The following SLC25A26 variants were observed in gnomAD, a reference collection of about 807,000 sequenced individuals.
SLC25A26 encodes solute carrier family 25 member 26, also known as mitochondrial S-adenosylmethionine carrier protein.
Under a neutral mutation model 37.8 loss-of-function variants are expected in SLC25A26, and 36 were observed. That is an observed-to-expected ratio of 0.95 (90% CI 0.73 to 1.26). The LOEUF is 1.26. SLC25A26 is among the 50% of genes most tolerant of loss of function. The pLI is 0.00. For missense variants in SLC25A26, 390 were observed against 331.1 expected, an observed-to-expected ratio of 1.18 and a Z score of -1.38; for synonymous variants, 129 against 122.5, an observed-to-expected ratio of 1.05 and a Z score of -0.35.
intron 5 of SLC25A26, 104 bp downstream of exon 5, chr3:66,263,483 T>A: frequency 1.3e-6 from 1 of 763,780 alleles, no homozygotes; most frequent in African/African-American, 1.8e-5. Flanking sequence ...GAAACTTGGT[T>A]TAAAAAATCA....
At chr3:66,300,243 G>GTTTTTTTTTTTTT (rs1395905357) in intron 5 of SLC25A26, among the ~76,000 whole-genome samples, 3 of 113,434 alleles carry the variant, frequency 2.6e-5, no homozygotes, top group African/African-American at 9.0e-5. Flanking sequence ...CTAGGCTAGG[G>GTTTTTTTTTTTTT]TTTTTTTGTT....
chr3:66,363,284 G>T (rs1168327464), intron 7 of SLC25A26, among the ~76,000 whole-genome samples: 1 of 152,214 alleles, frequency 6.6e-6, no homozygotes, highest in Non-Finnish European at 1.5e-5. Context: ...GCCTTGGGCA[G>T]TGCTTAGGGG....
intron 5 of SLC25A26, among the ~76,000 whole-genome samples, chr3:66,275,509 A>T (rs559457722): frequency 1.3e-5 from 2 of 152,228 alleles, no homozygotes; most frequent in East Asian, 3.9e-4. Flanking sequence ...TAACACCTAG[A>T]AGAGTGTGGC....
At chr3:66,303,653 A>G (rs1445969410) in intron 5 of SLC25A26, among the ~76,000 whole-genome samples, 2 of 152,182 alleles carry the variant, frequency 1.3e-5, no homozygotes, top group Non-Finnish European at 2.9e-5. Context: ...GGTGCAGTAG[A>G]TGATTGTTAG....
At chr3:66,338,478 T>A (rs1394012252) in intron 5 of SLC25A26, among the ~76,000 whole-genome samples, 2 of 152,016 alleles carry the variant, frequency 1.3e-5, no homozygotes, top group South Asian at 2.1e-4. Flanking sequence ...GCCATTTTAG[T>A]GGATAACAGC....
chr3:66,176,893 A>G (rs1426523041), intron 1 of SLC25A26, among the ~76,000 whole-genome samples: 1 of 152,220 alleles, frequency 6.6e-6, no homozygotes, highest in Non-Finnish European at 1.5e-5. Flanking sequence ...CAGAGACAGC[A>G]TGAAAGGGTA....
intron 5 of SLC25A26, among the ~76,000 whole-genome samples, chr3:66,276,530 A>G (rs552973849): frequency 2.4e-4 from 36 of 152,206 alleles, no homozygotes; most frequent in African/African-American, 8.4e-4. Context: ...GCAGAACACA[A>G]TGAGATGCTT....
intron 1 of SLC25A26, among the ~76,000 whole-genome samples, chr3:66,154,913 T>G (rs562306441): frequency 1.2e-4 from 18 of 152,360 alleles, no homozygotes; most frequent in African/African-American, 3.6e-4. Context: ...AAAGTATGTA[T>G]CAGCTCTTCA....
At chr3:66,198,364 C>T (rs2071071537) in intron 1 of SLC25A26, among the ~76,000 whole-genome samples, 1 of 152,020 alleles carries the variant, frequency 6.6e-6, no homozygotes, top group Non-Finnish European at 1.5e-5. Flanking sequence ...CACTGCAGTT[C>T]ATGAACGGAG....
At chr3:66,175,122 TATATATATATATATATATAC>T (rs1189249045) in intron 1 of SLC25A26, among the ~76,000 whole-genome samples, 3 of 90,036 alleles carry the variant, frequency 3.3e-5, no homozygotes, top group Admixed American at 1.0e-4. Context: ...TATATATATA[TATATATATATATATATATAC>T]ACACACACAC....
chr3:66,371,612 G>C (rs1471405646), intron 9 of SLC25A26, among the ~76,000 whole-genome samples: 1 of 152,194 alleles, frequency 6.6e-6, no homozygotes, highest in East Asian at 1.9e-4. Flanking sequence ...ATAATTGGCT[G>C]TTGACGTCTA....
intron 5 of SLC25A26, chr3:66,304,329 T>G: frequency 2.4e-6 from 1 of 419,196 alleles, no homozygotes; most frequent in Non-Finnish European, 4.7e-6. Context: ...CCTCTTGATT[T>G]AAAAAGATTC....
At position 66,236,667 on chromosome 3, in the gene SLC25A26, G is replaced by A. The variant is rs533493130; in HGVS notation, c.157G>A (p.Val53Ile). 61 of 1,525,462 alleles carry A rather than the reference G, an allele frequency of 4.0e-5. No homozygotes were observed. In the Admixed American group the frequency reaches 4.3e-4, roughly 11 times the overall value. 94.5% of individuals were successfully genotyped at this position (1,525,462 alleles called of 1,614,324 possible). ...AGGFHGIYAG[V>I]PSAAIGSFPN... ...TGGTTTTCATGGAATATATGCTGGC[G>A]TTCCTTCTGCTGCTATTGGATCCTT... The change falls in exon 2 of 10, where the codon GTT becomes ATT. Residue 53 changes from valine (V) to isoleucine (I), a missense_variant. By Grantham distance (29) the Val-to-Ile change is conservative (BLOSUM62 3). Transcript: ENST00000354883.
chr3:66,274,779 A>G (rs2074077031), intron 5 of SLC25A26, among the ~76,000 whole-genome samples: 1 of 152,122 alleles, frequency 6.6e-6, no homozygotes. Context: ...GTGGAGAAAT[A>G]GGAACACTTT....
intron 5 of SLC25A26, among the ~76,000 whole-genome samples, chr3:66,279,707 T>G (rs964898736): frequency 6.6e-6 from 1 of 152,210 alleles, no homozygotes; most frequent in East Asian, 1.9e-4. Flanking sequence ...TTTGATCTTA[T>G]TAGTTTAGTG....
In SLC25A26 at chr3:66,306,606, A is replaced by G. The variant is rs554742773; in HGVS notation, c.454-39758A>G. 2.6e-5 allele frequency among the ~76,000 whole-genome samples: 4 copies of G among 152,072 alleles called. No homozygotes were observed. In the South Asian group the frequency reaches 8.3e-4, roughly 32 times the overall value. Reference sequence around the variant, plus strand: ...CTGCACCCATCAACCTGTCATCTAGATTTTAAGCCCCACATGCGTTAGGTA... The same window carrying G: ...CTGCACCCATCAACCTGTCATCTAGGTTTTAAGCCCCACATGCGTTAGGTA... On this transcript the variant is annotated intron_variant, in intron 5 of 9. Coordinates refer to ENST00000354883, the MANE Select transcript of SLC25A26 (RefSeq NM_001379210.1).
At chr3:66,256,683 G>A (rs1336647614) in intron 3 of SLC25A26, among the ~76,000 whole-genome samples, 1 of 152,082 alleles carries the variant, frequency 6.6e-6, no homozygotes, top group African/African-American at 2.4e-5. Context: ...ATCATTTGAG[G>A]CCAGGAGTTT....
At chr3:66,149,065 G>C (rs181210131) in intron 1 of SLC25A26, among the ~76,000 whole-genome samples, 27 of 152,266 alleles carry the variant, frequency 1.8e-4, no homozygotes, top group African/African-American at 6.3e-4. Context: ...GCTGTGGGGT[G>C]CGGTGTGACT....
intron 5 of SLC25A26, among the ~76,000 whole-genome samples, chr3:66,337,857 A>C (rs1242114872): frequency 6.6e-6 from 1 of 152,046 alleles, no homozygotes; most frequent in Non-Finnish European, 1.5e-5. Context: ...ATTTATGTCT[A>C]TGCTCATTCT....
Sources: allele counts gnomAD v4.1 joint callset (sites outside exome capture counted in the v4.1 genomes callset), GRCh38; gene constraint gnomAD v4.1.1; transcripts MANE v1.5; gene names NCBI Gene and HGNC (gene_info 2026-07-23, HGNC 2026-07-21).